HEATR5B: variants seen among roughly 807,000 people sequenced by gnomAD.
HEATR5B encodes HEAT repeat containing 5B.
A neutral mutation model predicts 224.1 loss-of-function variants in HEATR5B; 156 were observed. The observed-to-expected ratio is 0.70, with a 90% CI of 0.61 to 0.80. The LOEUF is 0.80. HEATR5B is among the 30% of genes least tolerant of loss of function. The pLI is 0.00. For missense variants in HEATR5B, 2,323 were observed against 2,535.5 expected (o/e 0.92, Z 1.80); for synonymous variants, 1,027 against 893.0 (o/e 1.15, Z -2.68).
At chr2:37,032,189 C>G (rs985150833) in intron 22 of HEATR5B, among the ~76,000 whole-genome samples, 1 of 152,182 alleles carries the variant, frequency 6.6e-6, no homozygotes, top group Non-Finnish European at 1.5e-5. Context: ...ATACTAAATA[C>G]TTTTCAGTTT....
At chr2:37,022,029 C>T (rs1668494818) in intron 24 of HEATR5B, among the ~76,000 whole-genome samples, 1 of 151,946 alleles carries the variant, frequency 6.6e-6, no homozygotes, top group Admixed American at 6.6e-5. Flanking sequence ...TTCCCAAAAC[C>T]CCCTTTGGAA....
rs759689284 is a variant in HEATR5B, at chr2:37,060,671, G to A, written c.1759C>T (p.Arg587Cys). The change falls in exon 12 of 36, where the codon CGT becomes TGT. Residue 587 changes from arginine to cysteine, a missense_variant. By Grantham distance (180) the Arg-to-Cys change is radical. Around this residue, in one of 12 missense-constraint regions of HEATR5B, gnomAD observed 502 missense variants for 517.8 expected, o/e 0.97. Coordinates refer to ENST00000233099, the MANE Select transcript of HEATR5B (RefSeq NM_019024.3). ...TCAGCTTCCAATTCCTTTAAGGAAC[G>A]TGGGAAAACATTTCGCCACAATAAC... is the stretch of plus-strand genomic sequence containing the variant. ...MLLLWRNVFP[R>C]SLKELEAEKA... is the part of the protein sequence containing the mutation. 5.0e-6 allele frequency: 8 copies of A among 1,613,770 alleles called. No individual in the cohort carries two copies. Among genetic ancestry groups the A allele is most frequent in the African/African-American group, 1.3e-5 (1 of 74,890 alleles).
At chr2:37,047,035 CAA>C (rs57343074) in intron 18 of HEATR5B, among the ~76,000 whole-genome samples, 2 of 45,420 alleles carry the variant, frequency 4.4e-5, no homozygotes, top group Non-Finnish European at 4.0e-5. Context: ...GACTCCACCT[CAA>C]AAAAAAAAAA....
At chr2:37,020,006 C>T (rs550967873) in intron 25 of HEATR5B, 129 bp from the exon 26 acceptor site, 7 of 587,574 alleles carry the variant, frequency 1.2e-5, no homozygotes, top group African/African-American at 9.5e-5. Context: ...TAGGCTCAAG[C>T]GATTCTCCTC....
chr2:37,003,812 C>T (rs532485373), intron 30 of HEATR5B, 126 bp from the exon 31 acceptor site: 1 of 549,826 alleles, frequency 1.8e-6, no homozygotes, highest in East Asian at 3.2e-5. Flanking sequence ...AAATATAGGA[C>T]TACGTAACAA....
intron 18 of HEATR5B, among the ~76,000 whole-genome samples, chr2:37,043,308 G>GGTTC (rs1669991987): frequency 1.3e-5 from 2 of 152,174 alleles, no homozygotes; most frequent in Non-Finnish European, 2.9e-5. Flanking sequence ...AAGTAAAAGT[G>GGTTC]GTTCATTCAA....
At chr2:36,989,317 C>G (rs1459660445) in intron 34 of HEATR5B, among the ~76,000 whole-genome samples, 1 of 152,184 alleles carries the variant, frequency 6.6e-6, no homozygotes, top group Non-Finnish European at 1.5e-5. Context: ...ATCTCCTGAC[C>G]TTGTGATCTG....
chr2:37,065,660 G>A (rs1313371271), intron 9 of HEATR5B, 95 bp downstream of exon 9: 1 of 1,030,630 alleles, frequency 9.7e-7, no homozygotes, highest in African/African-American at 1.6e-5. Flanking sequence ...AAGTGCTAAT[G>A]ATGATGATAA....
At chr2:37,078,227 TAA>T (rs1205265731) in intron 3 of HEATR5B, among the ~76,000 whole-genome samples, 14 of 152,258 alleles carry the variant, frequency 9.2e-5, no homozygotes, top group Admixed American at 2.6e-4. Flanking sequence ...AGAGGTTAAC[TAA>T]ATTTAGCTCA....
At chr2:37,041,342 AAAC>A (rs745388197) in intron 18 of HEATR5B, 50 bp from the exon 19 acceptor site, 17 of 1,545,780 alleles carry the variant, frequency 1.1e-5, no homozygotes, top group East Asian at 6.7e-5. Flanking sequence ...TTCCCTATAA[AAAC>A]AACAACATTA....
chr2:37,000,698 C>T lies in HEATR5B; in HGVS notation c.5433G>A (p.Gly1811=), dbSNP rs766268964. ...VPPPVSAALQ[G]IKSIVTLSMA... ...TTGAAAGTGTCACAATACTTTTAAT[C>T]CCTTGAAGAGCTGCACTGACTGGTG... Residue 1811 remains glycine, a synonymous_variant, in exon 33 of 36, where the codon GGG becomes GGA. Coordinates refer to ENST00000233099, the MANE Select transcript of HEATR5B (RefSeq NM_019024.3). 6 of 1,613,982 alleles carry T rather than the reference C, an allele frequency of 3.7e-6. No individual in the cohort carries two copies. The highest frequency in any genetic ancestry group is 3.3e-4 in the Middle Eastern group (2 of 6,084).
At position 36,990,791 on chromosome 2, in the gene HEATR5B, C is replaced by T; in HGVS notation, c.5554G>A (p.Val1852Ile). The T allele has an allele frequency of 2.6e-6, 4 of 1,557,888 alleles. No homozygotes were observed. Among genetic ancestry groups the T allele is most frequent in the Non-Finnish European group, 3.5e-6 (4 of 1,152,982 alleles). The change falls in exon 34 of 36, where the codon GTA becomes ATA. Residue 1852 changes from valine to isoleucine, a missense_variant. Physicochemically the swap from Val to Ile is conservative, Grantham distance 29 (BLOSUM62 3). Transcript: ENST00000233099. The part of the protein sequence containing the change: ...ILEYSQPEDS[V>I]PTPDEVSMLT... ...ATGCTTACTTCATCAGGTGTAGGTACAGAGTCTTCTGAAAATGAAAAATGA... is the reference window on the plus strand; with the variant it reads ...ATGCTTACTTCATCAGGTGTAGGTATAGAGTCTTCTGAAAATGAAAAATGA...
At chr2:37,024,529 T>A (rs527481378) in intron 24 of HEATR5B, among the ~76,000 whole-genome samples, 1 of 152,248 alleles carries the variant, frequency 6.6e-6, no homozygotes, top group South Asian at 2.1e-4. Flanking sequence ...TTAAAAAAAT[T>A]TTGCCCAACT....
chr2:36,999,041 C>T (rs369643263), intron 33 of HEATR5B, among the ~76,000 whole-genome samples: 11 of 151,986 alleles, frequency 7.2e-5, no homozygotes, highest in African/African-American at 9.6e-5. Context: ...GGTGAAACCC[C>T]GTCTCTACTA....
chr2:37,046,614 G>A (rs1337901897), intron 18 of HEATR5B, among the ~76,000 whole-genome samples: 1 of 149,684 alleles, frequency 6.7e-6, no homozygotes, highest in Non-Finnish European at 1.5e-5. Context: ...ACTCCAGCCT[G>A]GGCAGCAACA....
chr2:37,056,620 A>C lies in HEATR5B; in HGVS notation c.2224-5T>G. ...AGAGGCACTGTTTGGCTGGAGCTGC[A>C]AAAGAGTGAAATAAAAATTATTCAA... On this transcript the variant is annotated splice_region_variant and splice_polypyrimidine_tract_variant and intron_variant, in intron 15 of 35. Transcript: ENST00000233099. The C allele has an allele frequency of 6.3e-7, 1 of 1,575,294 alleles. No individual in the cohort carries two copies. The highest frequency in any genetic ancestry group is 8.6e-7 in the Non-Finnish European group (1 of 1,163,468).
chr2:36,998,170 C>T (rs1053165680), intron 33 of HEATR5B, among the ~76,000 whole-genome samples: 11 of 152,156 alleles, frequency 7.2e-5, no homozygotes, highest in Admixed American at 7.2e-4. Context: ...ACAAATCCTT[C>T]TTTACTATTC....
In HEATR5B at chr2:37,073,546, G is replaced by T. The variant is rs1262075447; in HGVS notation, c.598-1265C>A. Among the ~76,000 whole-genome samples, 5 of 152,184 alleles carry T rather than the reference G, an allele frequency of 3.3e-5. No individual in the cohort carries two copies. The South Asian group carries it at 6.2e-4, about 19-fold the overall frequency. On this transcript the variant is annotated intron_variant, in intron 5 of 35. Transcript: ENST00000233099. ...GGCATGAGCAACCACGCCCAGCCTG[G>T]ACGTTGACATTGATAGAATTCATGA...
chr2:37,035,098 T>C (rs1351451741), intron 21 of HEATR5B, among the ~76,000 whole-genome samples: 1 of 152,186 alleles, frequency 6.6e-6, no homozygotes, highest in African/African-American at 2.4e-5. Context: ...CATAACATTT[T>C]AATTTAGTAA....
Sources: allele counts gnomAD v4.1 joint callset (sites outside exome capture counted in the v4.1 genomes callset), GRCh38; gene constraint gnomAD v4.1.1; regional missense constraint gnomAD v4.1.1; transcripts MANE v1.5; gene names NCBI Gene and HGNC (gene_info 2026-07-23, HGNC 2026-07-21).